KCP: variants seen among roughly 807,000 people sequenced by gnomAD.
KCP encodes the protein kielin/chordin-like protein.
KCP carries 194 observed loss-of-function variants against 212.7 expected under a neutral mutation model. That is an observed-to-expected ratio of 0.91 (90% CI 0.81 to 1.03). The LOEUF (loss-of-function observed/expected upper bound fraction) is 1.03. Among genes scored for constraint, KCP ranks in the 50% least tolerant of loss-of-function variants. The probability of loss-of-function intolerance (pLI) is 0.00; values close to 1 mark genes in which losing one functional copy is unlikely to be tolerated. For synonymous variants in KCP, 833 were observed against 865.3 expected (o/e 0.96, Z 0.65); for missense variants, 2,080 against 2,162.5 (o/e 0.96, Z 0.76).
Position 128,893,959 on chromosome 7 carries a change from C to T in KCP, c.1005+17G>A. The T allele has an allele frequency of 6.5e-7, 1 of 1,549,356 alleles. No homozygotes were observed. ...GGCCCCGGAGCCAGGCCCTCCCTGC[C>T]AGGCAGCCACACTCACAGCACAGCG... On this transcript the variant is annotated intron_variant, in intron 10 of 39. Coordinates refer to ENST00000610776, the MANE Select transcript of KCP (RefSeq NM_001366122.1).
At chr7:128,907,225 C>T (rs1795167741) in intron 3 of KCP, 39 bp downstream of exon 3, 2 of 1,539,870 alleles carry the variant, frequency 1.3e-6, no homozygotes, top group African/African-American at 1.4e-5. Context: ...ATCTGCAGGT[C>T]TTTAGGTGGC....
In KCP at chr7:128,906,357, T is replaced by C; in HGVS notation, c.493A>G (p.Thr165Ala). Reference sequence around the variant, plus strand: ...CATGGCTTCTGGTTGCAAGTGATGGTACCTTCCTGTGGGAGCAGACTGAGG... The same window carrying C: ...CATGGCTTCTGGTTGCAAGTGATGGCACCTTCCTGTGGGAGCAGACTGAGG... ...ACTTCRCLEG[T>A]ITCNQKPCPR... The change falls in exon 5 of 40, where the codon ACC becomes GCC. Residue 165 changes from threonine to alanine, a missense_variant. By Grantham distance (58) the Thr-to-Ala change is moderately conservative. Coordinates refer to ENST00000610776, the MANE Select transcript of KCP (RefSeq NM_001366122.1). 3 of 1,548,354 alleles carry C rather than the reference T, an allele frequency of 1.9e-6. No homozygotes were observed. Among genetic ancestry groups the C allele is most frequent in the Non-Finnish European group, 2.6e-6 (3 of 1,145,504 alleles).
rs560712849 is a variant in KCP at position 128,907,337 on chromosome 7, G to A, written c.336C>T (p.Asp112=). 506 of 1,543,430 alleles carry A rather than the reference G, an allele frequency of 3.3e-4. 1 individual carries two copies. The African/African-American group carries it at 5.3e-3, about 16-fold the overall frequency. Residue 112 remains aspartate (D), a synonymous_variant, in exon 3 of 40, where the codon GAC becomes GAT. Coordinates refer to ENST00000610776, the MANE Select transcript of KCP (RefSeq NM_001366122.1). ...AWPEGARWEP[D]ACTACVCQDG... is the part of the protein sequence containing the mutation. ...CCTGGCAGACGCAGGCTGTGCAGGC[G>A]TCAGGCTCCCAGCGTGCCCCCTCGG...
rs1454568900 is a variant in KCP, at chr7:128,906,137, G to A, written c.571+142C>T. ...AGCCAGTATTTGCTGATTTGTGCATGGGTTCTGCACTCCCCTGGCCACTGT... is the reference window on the plus strand; with the variant it reads ...AGCCAGTATTTGCTGATTTGTGCATAGGTTCTGCACTCCCCTGGCCACTGT... On this transcript the variant is annotated intron_variant, in intron 5 of 39. Coordinates refer to ENST00000610776, the MANE Select transcript of KCP (RefSeq NM_001366122.1). 1.3e-5 allele frequency: 9 copies of A among 683,330 alleles called. No individual in the cohort carries two copies. In the Admixed American group the frequency reaches 2.0e-4, roughly 15 times the overall value. 42.3% of individuals were successfully genotyped at this position (683,330 alleles called of 1,614,324 possible). A position where few individuals can be genotyped will look rare whatever the true frequency, so the allele number is the denominator to read the frequency against.
rs1312235269 is a variant in KCP, at chr7:128,882,035, A to C, written c.3245-19T>G. 7.8e-6 allele frequency: 12 copies of C among 1,540,630 alleles called. No individual in the cohort carries two copies. Among genetic ancestry groups the C allele is most frequent in the Non-Finnish European group, 9.7e-6 (11 of 1,137,720 alleles). The stretch of plus-strand genomic sequence containing the variant: ...AAGGCCTCTGTGAAGACAAGAATCC[A>C]GAGTGCGGGACAGAAAGAGGGGCAC... On this transcript the variant is annotated intron_variant, in intron 29 of 39. Transcript: ENST00000610776.
rs958819898 is a variant in KCP, at chr7:128,890,436, A to C, written c.2242T>G (p.Cys748Gly). ...SPTAACHLCLCWEGSVSCEPK... is the reference protein window; with the variant it reads ...SPTAACHLCLGWEGSVSCEPK... ...TCGCAGCTCACGCTGCCCTCCCAGC[A>C]AAGGCAGAGGTGGCAGGCAGCAGTG... Residue 748 changes from cysteine to glycine, a missense_variant, in exon 21 of 40, where the codon TGC becomes GGC. Transcript: ENST00000610776. 1.0e-5 allele frequency: 16 copies of C among 1,551,040 alleles called. No individual in the cohort carries two copies. The highest frequency in any genetic ancestry group is 1.4e-5 in the Non-Finnish European group (16 of 1,146,984).
Position 128,892,500 on chromosome 7 carries a change from G to T in KCP, c.1621+14C>A. On this transcript the variant is annotated intron_variant, in intron 16 of 39. Transcript: ENST00000610776. ...GGGCCCTGATCCCCTCAGGCCCAGT[G>T]AGTGCCCACATACCTGGGCACCTGG... 1 of 1,502,424 alleles carries T rather than the reference G, an allele frequency of 6.7e-7. No homozygotes were observed. The highest frequency in any genetic ancestry group is 8.9e-7 in the Non-Finnish European group (1 of 1,117,402). The allele number at this position is 1,502,424 out of a possible 1,614,324, so 93.1% of individuals were successfully genotyped here. A position where few individuals can be genotyped will look rare whatever the true frequency, so the allele number is the denominator to read the frequency against.
Position 128,893,388 on chromosome 7 carries a change from T to C in KCP, c.1185+3A>G. ...TCTGGGTGTGAGCGGAGGGACCGCC[T>C]ACCTGGCAGGAGCAGCGGACACAGA... On this transcript the variant is annotated splice_donor_region_variant and intron_variant, in intron 12 of 39. Transcript: ENST00000610776. The C allele has an allele frequency of 6.4e-7, 1 of 1,551,594 alleles. No individual in the cohort carries two copies. Among genetic ancestry groups the C allele is most frequent in the Admixed American group, 2.0e-5 (1 of 51,002 alleles).
In KCP at chr7:128,890,924, A is replaced by G. The variant is rs1794076351; in HGVS notation, c.2145T>C (p.Pro715=). ...CGTTACCGTCGCAGGAGGGGCAGCA[A>G]GGCCCCTGGCGCGGGTGCGCGCAGG... ...PAPCAHPRQG[P]CCPSCDGCLY... Residue 715 remains proline, a synonymous_variant, in exon 20 of 40, where the codon CCT becomes CCC. Coordinates refer to ENST00000610776, the MANE Select transcript of KCP (RefSeq NM_001366122.1). The G allele has an allele frequency of 9.6e-6, 12 of 1,244,600 alleles. No homozygotes were observed. The highest frequency in any genetic ancestry group is 1.2e-5 in the Non-Finnish European group (12 of 999,136). The allele number at this position is 1,244,600 out of a possible 1,614,324, so 77.1% of individuals were successfully genotyped here.
At chr7:128,884,323 CCTT>C (rs1359030915) in intron 28 of KCP, among the ~76,000 whole-genome samples, 2 of 152,220 alleles carry the variant, frequency 1.3e-5, no homozygotes, top group East Asian at 1.9e-4. Context: ...GATGATGTCT[CCTT>C]CTCCTTTAAG....
In KCP at chr7:128,879,991, G is replaced by T. The variant is rs1429479863; in HGVS notation, c.3854C>A (p.Thr1285Asn). Residue 1285 changes from threonine (T) to asparagine (N), a missense_variant, in exon 35 of 40, where the codon ACC becomes AAC. Thr to Asn is a moderately conservative substitution (Grantham distance 65). Coordinates refer to ENST00000610776, the MANE Select transcript of KCP (RefSeq NM_001366122.1). ...GAAGTGCAGCAGGCGGCCGTCGAAG[G>T]TGCGGTAATGGGGGTCTCCGAAGGC... ...CMAFGDPHYRTFDGRLLHFQG... is the reference protein window; with the variant it reads ...CMAFGDPHYRNFDGRLLHFQG... 6.4e-7 allele frequency: 1 copy of T among 1,550,424 alleles called. No homozygotes were observed. Among genetic ancestry groups the T allele is most frequent in the Admixed American group, 2.0e-5 (1 of 50,968 alleles).
Position 128,877,319 on chromosome 7 carries a change from G to A in KCP, c.4619-8C>T, listed in dbSNP as rs186454954. ...CCAGGGGGCAGCCTACCACTGCAGGGGGAGTGGGAGGCGGGGTTACCAAGG... is the reference window on the plus strand; with the variant it reads ...CCAGGGGGCAGCCTACCACTGCAGGAGGAGTGGGAGGCGGGGTTACCAAGG... On this transcript the variant is annotated splice_region_variant and splice_polypyrimidine_tract_variant and intron_variant, in intron 39 of 39. Transcript: ENST00000610776. 7.9e-6 allele frequency: 12 copies of A among 1,527,014 alleles called. No individual in the cohort carries two copies. The East Asian group carries it at 2.7e-4, about 34-fold the overall frequency. 94.6% of individuals were successfully genotyped at this position (1,527,014 alleles called of 1,614,324 possible).
In KCP at chr7:128,907,202, A is replaced by G. The variant is rs1224486646; in HGVS notation, c.410-25T>C. Reference sequence around the variant, plus strand: ...CCTAAGGAGACAGCAGTGTCACTCAAGCACCCCATGCCATCTGCAGGTCTT... The same window carrying G: ...CCTAAGGAGACAGCAGTGTCACTCAGGCACCCCATGCCATCTGCAGGTCTT... On this transcript the variant is annotated intron_variant, in intron 3 of 39. Transcript: ENST00000610776. The G allele has an allele frequency of 2.6e-6, 4 of 1,547,868 alleles. No individual in the cohort carries two copies. In the East Asian group the frequency reaches 7.3e-5, roughly 28 times the overall value.
chr7:128,898,788 AAG>A (rs1439535815), intron 8 of KCP, among the ~76,000 whole-genome samples: 1 of 152,208 alleles, frequency 6.6e-6, no homozygotes, highest in Non-Finnish European at 1.5e-5. Context: ...AATCTTGTAA[AAG>A]AAATTGTGTG....
In KCP at chr7:128,879,995, G is replaced by C; in HGVS notation, c.3850C>G (p.Arg1284Gly). ...SCMAFGDPHY[R>G]TFDGRLLHFQ... ...TGCAGCAGGCGGCCGTCGAAGGTGC[G>C]GTAATGGGGGTCTCCGAAGGCCATG... The change falls in exon 35 of 40, where the codon CGC becomes GGC. Residue 1284 changes from arginine (R) to glycine (G), a missense_variant. Physicochemically the swap from Arg to Gly is moderately radical, Grantham distance 125. Coordinates refer to ENST00000610776, the MANE Select transcript of KCP (RefSeq NM_001366122.1). 3.2e-6 allele frequency: 5 copies of C among 1,550,408 alleles called. No individual in the cohort carries two copies. The highest frequency in any genetic ancestry group is 4.4e-6 in the Non-Finnish European group (5 of 1,146,946).
rs879187400 is a variant in KCP at position 128,881,628 on chromosome 7, C to T, written c.3422G>A (p.Arg1141Gln). 37 of 1,493,658 alleles carry T rather than the reference C, an allele frequency of 2.5e-5. No homozygotes were observed. Among genetic ancestry groups the T allele is most frequent in the African/African-American group, 1.4e-4 (10 of 69,914 alleles). The allele number at this position is 1,493,658 out of a possible 1,614,324, so 92.5% of individuals were successfully genotyped here. Residue 1141 changes from arginine (R) to glutamine (Q), a missense_variant and splice_region_variant, in exon 31 of 40, where the codon CGG becomes CAG. Transcript: ENST00000610776. ...TPPGSCCPVC[R>Q]ECVVEAEGRR... The stretch of plus-strand genomic sequence containing the variant: ...GGAGGCCAAGGCTGGGCACTTACCC[C>T]GGCATACGGGGCAGCAGCTCCCAGG...
Position 128,890,099 on chromosome 7 carries a change from G to T in KCP, c.2335+244C>A, listed in dbSNP as rs1352203945. On this transcript the variant is annotated intron_variant, in intron 21 of 39. Transcript: ENST00000610776. ...ACGACCAGCTGATTTTAAATTTTTT[G>T]TGTAGAGACAAGATCTCTCTATGTT... The T allele has an allele frequency of 1.9e-5, 11 of 591,878 alleles. No homozygotes were observed. In the Admixed American group the frequency reaches 2.8e-4, roughly 15 times the overall value. 36.7% of individuals were successfully genotyped at this position (591,878 alleles called of 1,614,324 possible).
Position 128,891,730 on chromosome 7 carries a change from G to A in KCP, c.1711C>T (p.His571Tyr), listed in dbSNP as rs546134610. 3.3e-5 allele frequency: 48 copies of A among 1,449,158 alleles called. No individual in the cohort carries two copies. Among genetic ancestry groups the A allele is most frequent in the Non-Finnish European group, 4.0e-5 (44 of 1,099,252 alleles). The allele number at this position is 1,449,158 out of a possible 1,614,324, so 89.8% of individuals were successfully genotyped here. ...PCQECRCQEG[H>Y]AHCQPRPCPR... ...CAGGGGCGAGGCTGGCAGTGGGCAT[G>A]GCCTTCCTGGCATCGGCACTCCTGG... Residue 571 changes from histidine (H) to tyrosine (Y), a missense_variant, in exon 17 of 40, where the codon CAT becomes TAT. By Grantham distance (83) the His-to-Tyr change is moderately conservative. Transcript: ENST00000610776.
Position 128,908,411 on chromosome 7 carries a change from C to T in KCP, c.219+15G>A. 1.3e-6 allele frequency: 2 copies of T among 1,548,198 alleles called. No homozygotes were observed. Among genetic ancestry groups the T allele is most frequent in the Non-Finnish European group, 1.7e-6 (2 of 1,144,444 alleles). Reference sequence around the variant, plus strand: ...CCTCCTTACCCAATGCAAACCAGCACTGTCTCCATGGTACCTGTTCTCTGA... The same window carrying T: ...CCTCCTTACCCAATGCAAACCAGCATTGTCTCCATGGTACCTGTTCTCTGA... On this transcript the variant is annotated intron_variant, in intron 2 of 39. Transcript: ENST00000610776.
Sources: gnomAD v4.1 joint callset for allele counts (sites outside exome capture counted in the v4.1 genomes callset) on GRCh38, gnomAD v4.1.1 for gene constraint, MANE v1.5 for transcripts, NCBI Gene and HGNC (gene_info 2026-07-23, HGNC 2026-07-21) for gene names.